Variants in MLLT10 observed in about 807,000 individuals in gnomAD.
MLLT10 encodes protein AF-10.
In MLLT10, 30 loss-of-function variants were observed where a neutral mutation model predicts 129.1. The observed-to-expected ratio is 0.23, with a 90% CI of 0.17 to 0.32. The LOEUF is 0.32. MLLT10 is among the 10% of genes least tolerant of loss of function. The pLI is 1.00. For missense variants in MLLT10, 1,119 were observed against 1,268.3 expected (o/e 0.88, Z 1.79); for synonymous variants, 490 against 446.4 (o/e 1.10, Z -1.23).
chr10:21,661,343 A>G (rs2050182038), intron 9 of MLLT10, among the ~76,000 whole-genome samples: 1 of 152,190 alleles, frequency 6.6e-6, no homozygotes, highest in African/African-American at 2.4e-5. Context: ...GTTGAGCTCA[A>G]CTGTGTCCTT....
intron 8 of MLLT10, among the ~76,000 whole-genome samples, chr10:21,644,020 C>A (rs2048256297): frequency 6.6e-6 from 1 of 152,066 alleles, no homozygotes; most frequent in Non-Finnish European, 1.5e-5. Context: ...ATTTTCCTTG[C>A]TGTTTCTATT....
intron 3 of MLLT10, among the ~76,000 whole-genome samples, chr10:21,568,041 C>A (rs1445212459): frequency 6.6e-6 from 1 of 152,150 alleles, no homozygotes; most frequent in East Asian, 1.9e-4. Flanking sequence ...TGGTCTCCAA[C>A]TCCTGACCTC....
At chr10:21,544,897 G>C (rs141550421) in intron 3 of MLLT10, among the ~76,000 whole-genome samples, 4,282 of 152,314 alleles carry the variant, frequency 0.028, 204 homozygotes, top group African/African-American at 0.097. Flanking sequence ...TGTAATCCCA[G>C]GACTTCGGGA....
intron 2 of MLLT10, among the ~76,000 whole-genome samples, chr10:21,535,265 C>T (rs1434317679): frequency 2.6e-5 from 4 of 152,136 alleles, no homozygotes; most frequent in Non-Finnish European, 4.4e-5. Flanking sequence ...CTTCCTGTGG[C>T]GTGGAGACGG....
chr10:21,654,853 T>C (rs2049393791), intron 9 of MLLT10, among the ~76,000 whole-genome samples: 1 of 152,072 alleles, frequency 6.6e-6, no homozygotes. Context: ...TAGTATATAC[T>C]GGTTCATGGT....
intron 21 of MLLT10, among the ~76,000 whole-genome samples, chr10:21,739,287 C>G (rs973701900): frequency 2.0e-5 from 3 of 152,212 alleles, no homozygotes; most frequent in Non-Finnish European, 4.4e-5. Context: ...GCTGGGCCTG[C>G]TCCTCTGGAG....
At chr10:21,618,587 A>T (rs2045500312) in intron 8 of MLLT10, among the ~76,000 whole-genome samples, 1 of 152,106 alleles carries the variant, frequency 6.6e-6, no homozygotes, top group Non-Finnish European at 1.5e-5. Flanking sequence ...TTGAGAGTAA[A>T]TTCTCTATCA....
intron 9 of MLLT10, among the ~76,000 whole-genome samples, chr10:21,659,585 A>T (rs1418367812): frequency 7.1e-6 from 1 of 141,502 alleles, no homozygotes; most frequent in Admixed American, 7.3e-5. Flanking sequence ...ATCTCGGCTC[A>T]CTGCAGTCTT....
intron 4 of MLLT10, among the ~76,000 whole-genome samples, chr10:21,591,206 G>A (rs1271295827): frequency 2.0e-5 from 3 of 151,972 alleles, no homozygotes; most frequent in Non-Finnish European, 2.9e-5. Context: ...ACACGTGCAC[G>A]CCACCTTATC....
At chr10:21,616,904 A>G (rs2045319619) in intron 7 of MLLT10, among the ~76,000 whole-genome samples, 1 of 152,016 alleles carries the variant, frequency 6.6e-6, no homozygotes, top group Admixed American at 6.5e-5. Flanking sequence ...TTACAAAAAT[A>G]TGGCATTAAT....
At chr10:21,628,103 G>A (rs1007676069) in intron 8 of MLLT10, among the ~76,000 whole-genome samples, 3 of 152,140 alleles carry the variant, frequency 2.0e-5, no homozygotes, top group East Asian at 3.8e-4. Context: ...TGCTCATCAA[G>A]CTTTTGCTGA....
chr10:21,726,096 AG>A, intron 14 of MLLT10, 147 bp from the exon 15 acceptor site: 1 of 585,534 alleles, frequency 1.7e-6, no homozygotes, highest in Non-Finnish European at 3.0e-6. Flanking sequence ...TGGTAAAACA[AG>A]TAAGAACGAA....
At chr10:21,741,121 T>A (rs1203333610) in intron 22 of MLLT10, among the ~76,000 whole-genome samples, 1 of 152,240 alleles carries the variant, frequency 6.6e-6, no homozygotes, top group African/African-American at 2.4e-5. Context: ...TTATTCAAAA[T>A]AGAGGATTGT....
At chr10:21,560,251 C>G (rs992780720) in intron 3 of MLLT10, among the ~76,000 whole-genome samples, 1 of 152,140 alleles carries the variant, frequency 6.6e-6, no homozygotes, top group Non-Finnish European at 1.5e-5. Context: ...GTGATCTGCC[C>G]GGGCTGGGCC....
chr10:21,702,665 G>A (rs555249843), intron 13 of MLLT10, among the ~76,000 whole-genome samples: 14 of 151,298 alleles, frequency 9.3e-5, no homozygotes, highest in South Asian at 2.1e-4. Flanking sequence ...TCCCTTTGTC[G>A]TTATATAATG....
intron 13 of MLLT10, among the ~76,000 whole-genome samples, chr10:21,685,437 C>T (rs1221808853): frequency 5.3e-5 from 8 of 152,198 alleles, no homozygotes; most frequent in South Asian, 2.1e-4. Flanking sequence ...TGAATTCAAG[C>T]GATTCTCCTG....
intron 14 of MLLT10, among the ~76,000 whole-genome samples, chr10:21,720,156 C>G (rs1456134266): frequency 6.6e-6 from 1 of 152,188 alleles, no homozygotes; most frequent in Non-Finnish European, 1.5e-5. Flanking sequence ...ACACTTCATT[C>G]CCTCCTGCTA....
chr10:21,563,190 G>A (rs1213923455), intron 3 of MLLT10, among the ~76,000 whole-genome samples: 7 of 152,130 alleles, frequency 4.6e-5, no homozygotes, highest in African/African-American at 1.7e-4. Flanking sequence ...TGGTAATTTT[G>A]TTACCTCAAG....
chr10:21,660,045 G>A (rs977637923), intron 9 of MLLT10, among the ~76,000 whole-genome samples: 2 of 151,876 alleles, frequency 1.3e-5, no homozygotes, highest in African/African-American at 4.8e-5. Flanking sequence ...GCTCATTGCA[G>A]CCTTGACCTC....
Sources: allele counts gnomAD v4.1 joint callset (sites outside exome capture counted in the v4.1 genomes callset), GRCh38; gene constraint gnomAD v4.1.1; transcripts MANE v1.5; gene names NCBI Gene and HGNC (gene_info 2026-07-23, HGNC 2026-07-21).